SUFU: variants seen among roughly 807,000 people sequenced by gnomAD.
The protein encoded by SUFU is SUFU negative regulator of hedgehog signaling, also known as suppressor of fused homolog.
In SUFU, 7 loss-of-function variants were observed where a neutral mutation model predicts 58.9. The ratio of observed to expected loss-of-function variants is 0.12; its 90% CI spans 0.07 to 0.22. SUFU has a LOEUF of 0.22. SUFU is among the 10% of genes least tolerant of loss of function. SUFU has a pLI of 1.00. For synonymous variants in SUFU, 232 were observed against 254.8 expected, an observed-to-expected ratio of 0.91 and a Z score of 0.85; for missense variants, 451 against 641.3, an observed-to-expected ratio of 0.70 and a Z score of 3.20.
chr10:102,537,173 C>G lies in SUFU; in HGVS notation c.318-12797C>G, dbSNP rs59289017. ...TTTGAGTCAAGGTCTTGCTCTGTCA[C>G]TCAGGCTGCAGTGCAGTGGTGCAGC... is the stretch of plus-strand genomic sequence containing the variant. On this transcript the variant is annotated intron_variant, in intron 2 of 11. Transcript: ENST00000369902. Among the ~76,000 whole-genome samples the G allele has an allele frequency of 1.2e-4, 16 of 135,876 alleles. No homozygotes were observed. In the South Asian group the frequency reaches 1.9e-3, roughly 16 times the overall value. The allele number at this position is 135,876 out of a possible 152,430, so 89.1% of individuals were successfully genotyped here. A position where few individuals can be genotyped will look rare whatever the true frequency, so the allele number is the denominator to read the frequency against.
intron 3 of SUFU, among the ~76,000 whole-genome samples, chr10:102,587,617 G>A (rs901837960): frequency 2.6e-5 from 4 of 152,014 alleles, no homozygotes; most frequent in Non-Finnish European, 5.9e-5. Context: ...ATAGCCTCCC[G>A]AGTAGCTGGG....
chr10:102,625,296 C>T lies in SUFU; in HGVS notation c.1297-1879C>T, dbSNP rs933779773. Among the ~76,000 whole-genome samples the T allele has an allele frequency of 1.3e-5, 2 of 152,196 alleles. No homozygotes were observed. Among genetic ancestry groups the T allele is most frequent in the Admixed American group, 6.5e-5 (1 of 15,280 alleles). On this transcript the variant is annotated intron_variant, in intron 10 of 11. Coordinates refer to ENST00000369902, the MANE Select transcript of SUFU (RefSeq NM_016169.4). This position sits in a 1 kb window ranked among gnomAD's most constrained non-coding sequence, Gnocchi z 4.7. Reference sequence around the variant, plus strand: ...GGTGCACCTCCCCGAACTTTGCCAACTTTGCCTCTCCTGCTCTGTCTCTAA... The same window carrying T: ...GGTGCACCTCCCCGAACTTTGCCAATTTTGCCTCTCCTGCTCTGTCTCTAA...
In SUFU at chr10:102,619,166, C is replaced by G; in HGVS notation, c.1296+1738C>G. Reference sequence around the variant, plus strand: ...CTCCAATTTTCAGCAGCTCAAGAACCTTGGCCCCCACAGGACTTCGCAGAT... The same window carrying G: ...CTCCAATTTTCAGCAGCTCAAGAACGTTGGCCCCCACAGGACTTCGCAGAT... On this transcript the variant is annotated intron_variant, in intron 10 of 11. Coordinates refer to ENST00000369902, the MANE Select transcript of SUFU (RefSeq NM_016169.4). The surrounding 1 kb of genome is among the most constrained non-coding windows in gnomAD (Gnocchi z 4.2). The G allele has an allele frequency of 7.4e-6, 12 of 1,610,752 alleles. No individual in the cohort carries two copies. Among genetic ancestry groups the G allele is most frequent in the East Asian group, 2.2e-5 (1 of 44,868 alleles).
intron 2 of SUFU, among the ~76,000 whole-genome samples, chr10:102,528,407 AAAT>A (rs1474453278): frequency 6.6e-6 from 1 of 151,760 alleles, no homozygotes; most frequent in African/African-American, 2.4e-5. Flanking sequence ...TCATTTCTAC[AAAT>A]AATAAAAAAA....
intron 8 of SUFU, among the ~76,000 whole-genome samples, chr10:102,602,128 T>C (rs2063519629): frequency 6.6e-6 from 1 of 152,210 alleles, no homozygotes; most frequent in African/African-American, 2.4e-5. Flanking sequence ...ATGTGCCAGC[T>C]ACTATGTGCT....
intron 3 of SUFU, among the ~76,000 whole-genome samples, chr10:102,579,510 T>C (rs1469109494): frequency 6.6e-6 from 1 of 152,210 alleles, no homozygotes; most frequent in Non-Finnish European, 1.5e-5. Flanking sequence ...GCCTTTATGA[T>C]TGCGGCTTTG....
At chr10:102,579,783 G>A (rs2135826011) in intron 3 of SUFU, 1 of 981,366 alleles carries the variant, frequency 1.0e-6, no homozygotes, top group South Asian at 4.7e-5. Flanking sequence ...AGAGCTAGCT[G>A]AGGGAAGCTC....
At chr10:102,580,633 C>T (rs906678354) in intron 3 of SUFU, among the ~76,000 whole-genome samples, 2 of 152,070 alleles carry the variant, frequency 1.3e-5, no homozygotes, top group African/African-American at 2.4e-5. Context: ...TGCTGCCTTC[C>T]TTTGGTGGGT....
At chr10:102,547,746 C>T (rs766283872) in intron 2 of SUFU, among the ~76,000 whole-genome samples, 7 of 151,692 alleles carry the variant, frequency 4.6e-5, no homozygotes, top group African/African-American at 1.5e-4. Context: ...TGCCTAAGAC[C>T]GGGAGGTCAA....
At chr10:102,622,538 C>T (rs1056561831) in intron 10 of SUFU, among the ~76,000 whole-genome samples, 4 of 152,150 alleles carry the variant, frequency 2.6e-5, no homozygotes, top group Admixed American at 6.5e-5. Flanking sequence ...GTCAGGAGAT[C>T]GAGACCATCC....
intron 2 of SUFU, among the ~76,000 whole-genome samples, chr10:102,524,582 A>C (rs972125281): frequency 6.6e-6 from 1 of 151,942 alleles, no homozygotes. Context: ...CAGCCTCCCA[A>C]AGTTCTGGGA....
At chr10:102,536,150 G>A (rs1344895440) in intron 2 of SUFU, among the ~76,000 whole-genome samples, 1 of 151,624 alleles carries the variant, frequency 6.6e-6, no homozygotes, top group African/African-American at 2.4e-5. Context: ...TATTTTTAGT[G>A]GAGACGGTTT....
intron 3 of SUFU, among the ~76,000 whole-genome samples, chr10:102,567,397 C>T (rs921435707): frequency 6.6e-5 from 10 of 152,058 alleles, no homozygotes; most frequent in African/African-American, 2.4e-4. Context: ...ATGACTGGCA[C>T]CCGTAAGCCA....
intron 9 of SUFU, among the ~76,000 whole-genome samples, chr10:102,616,574 G>A (rs968492395): frequency 6.6e-6 from 1 of 152,232 alleles, no homozygotes; most frequent in Non-Finnish European, 1.5e-5. Flanking sequence ...GTTAATTGGA[G>A]GCAGCCTGAG....
chr10:102,518,009 A>C (rs778163308), intron 2 of SUFU, among the ~76,000 whole-genome samples: 3 of 152,170 alleles, frequency 2.0e-5, no homozygotes, highest in Non-Finnish European at 4.4e-5. Flanking sequence ...GATGACAGTG[A>C]GGATTGGGAC....
At chr10:102,535,614 G>A (rs1294577802) in intron 2 of SUFU, among the ~76,000 whole-genome samples, 2 of 152,190 alleles carry the variant, frequency 1.3e-5, no homozygotes, top group Non-Finnish European at 2.9e-5. Context: ...TGTTTCCGGA[G>A]GCACATGGTC....
chr10:102,557,550 C>T (rs1181614298), intron 3 of SUFU, among the ~76,000 whole-genome samples: 2 of 151,496 alleles, frequency 1.3e-5, no homozygotes, highest in African/African-American at 2.4e-5. Context: ...CCAGGGAGGT[C>T]GAGGCTGCAG....
intron 2 of SUFU, among the ~76,000 whole-genome samples, chr10:102,512,409 C>T (rs1473899169): frequency 6.6e-6 from 1 of 152,192 alleles, no homozygotes; most frequent in Non-Finnish European, 1.5e-5. Flanking sequence ...AATATCATTT[C>T]CTATGTGGCT....
At chr10:102,592,250 C>T (rs1225844092) in intron 3 of SUFU, among the ~76,000 whole-genome samples, 2 of 152,166 alleles carry the variant, frequency 1.3e-5, no homozygotes, top group Non-Finnish European at 2.9e-5. Context: ...TTGGCAGATC[C>T]AGTCATGGCT....
Sources: gnomAD v4.1 joint callset for allele counts (sites outside exome capture counted in the v4.1 genomes callset) on GRCh38, gnomAD v4.1.1 for gene constraint, Gnocchi (gnomAD v3.1) non-coding constraint, MANE v1.5 for transcripts, NCBI Gene and HGNC (gene_info 2026-07-23, HGNC 2026-07-21) for gene names.